CTNNA3: variants seen among roughly 807,000 people sequenced by gnomAD.
The protein encoded by CTNNA3 is catenin alpha 3.
In CTNNA3, 76 loss-of-function variants were observed where a neutral mutation model predicts 95.7. That is an observed-to-expected ratio of 0.79 (90% CI 0.66 to 0.96). The LOEUF (loss-of-function observed/expected upper bound fraction) is 0.96. Among genes scored for constraint, CTNNA3 ranks in the 40% least tolerant of loss-of-function variants. The pLI is 0.00. For missense variants in CTNNA3, 1,191 were observed against 1,089.8 expected (o/e 1.09, Z -1.31); for synonymous variants, 431 against 374.4 (o/e 1.15, Z -1.74).
At chr10:66,356,650 A>G (rs879882383) in intron 12 of CTNNA3, among the ~76,000 whole-genome samples, 9 of 152,032 alleles carry the variant, frequency 5.9e-5, no homozygotes, top group Admixed American at 2.0e-4. Flanking sequence ...GTAATGTTAA[A>G]AAGGACCAGT....
chr10:66,666,289 A>G (rs1439105583), intron 9 of CTNNA3, among the ~76,000 whole-genome samples: 2 of 152,178 alleles, frequency 1.3e-5, no homozygotes. Context: ...AATTTCAGGA[A>G]TGAAAGAGAT....
At chr10:67,364,591 CAG>C (rs1330134480) in intron 5 of CTNNA3, among the ~76,000 whole-genome samples, 1 of 152,154 alleles carries the variant, frequency 6.6e-6, no homozygotes, top group African/African-American at 2.4e-5. Flanking sequence ...AGCAGACAAA[CAG>C]AGAGCCAAAT....
intron 5 of CTNNA3, among the ~76,000 whole-genome samples, chr10:67,497,546 T>C (rs1401532052): frequency 4.6e-5 from 7 of 152,116 alleles, no homozygotes; most frequent in African/African-American, 1.7e-4. Context: ...TACATACCCA[T>C]CAACAGTGTA....
intron 7 of CTNNA3, among the ~76,000 whole-genome samples, chr10:66,892,533 A>G (rs1462388332): frequency 1.3e-5 from 1 of 74,300 alleles, no homozygotes; most frequent in Non-Finnish European, 3.8e-5. Context: ...GGGGCTTCCT[A>G]TTTGAAATAA....
chr10:67,414,541 C>T (rs1447755672), intron 5 of CTNNA3, among the ~76,000 whole-genome samples: 1 of 152,116 alleles, frequency 6.6e-6, no homozygotes, highest in Non-Finnish European at 1.5e-5. Context: ...TGAAGCTATT[C>T]CAAAAAACTG....
At chr10:67,577,847 G>C (rs149853655) in intron 3 of CTNNA3, among the ~76,000 whole-genome samples, 3 of 150,522 alleles carry the variant, frequency 2.0e-5, no homozygotes, top group Admixed American at 6.6e-5. Context: ...TTATATATTG[G>C]CTTCATTTGG....
chr10:66,928,412 G>T (rs1408594600), intron 7 of CTNNA3: 16 of 1,613,090 alleles, frequency 9.9e-6, no homozygotes, highest in Non-Finnish European at 1.2e-5. Flanking sequence ...AATGGGACGG[G>T]ACCCTGCACC....
intron 7 of CTNNA3, among the ~76,000 whole-genome samples, chr10:66,868,861 C>T (rs904391519): frequency 6.6e-6 from 1 of 151,880 alleles, no homozygotes; most frequent in Non-Finnish European, 1.5e-5. Context: ...AGCATTAGTG[C>T]TAAAAGCTAA....
chr10:67,025,954 TG>T (rs1191641922), intron 7 of CTNNA3, among the ~76,000 whole-genome samples: 1 of 150,616 alleles, frequency 6.6e-6, no homozygotes, highest in Non-Finnish European at 1.5e-5. Context: ...TCATGTCCTT[TG>T]TAGGGACATG....
At chr10:67,397,230 A>C (rs1454900925) in intron 5 of CTNNA3, among the ~76,000 whole-genome samples, 1 of 152,166 alleles carries the variant, frequency 6.6e-6, no homozygotes, top group Non-Finnish European at 1.5e-5. Context: ...AGAAGACAGG[A>C]AGGTGTGGGA....
intron 5 of CTNNA3, among the ~76,000 whole-genome samples, chr10:67,404,361 T>C (rs1471917344): frequency 6.6e-6 from 1 of 151,600 alleles, no homozygotes; most frequent in Non-Finnish European, 1.5e-5. Flanking sequence ...GAGAGGAATA[T>C]AACCAACCTG....
chr10:65,913,890 G>T lies in CTNNA3; in HGVS notation c.*6440C>A, dbSNP rs964246236. The T allele has an allele frequency of 6.6e-6, 1 of 152,056 alleles. No individual in the cohort carries two copies. The highest frequency in any genetic ancestry group is 1.5e-5 in the Non-Finnish European group (1 of 68,030). The allele number at this position is 152,056 out of a possible 1,614,324, so 9.4% of individuals were successfully genotyped here. ...GGGGAACTGATGTGACATACCTAAGGTTGGCCTGAGTCTGCAGAAGCTGGG... is the reference window on the plus strand; with the variant it reads ...GGGGAACTGATGTGACATACCTAAGTTTGGCCTGAGTCTGCAGAAGCTGGG... On this transcript the variant is annotated 3_prime_UTR_variant, in exon 18 of 18. Transcript: ENST00000433211.
intron 7 of CTNNA3, among the ~76,000 whole-genome samples, chr10:67,154,080 A>C (rs571174376): frequency 6.6e-6 from 1 of 152,240 alleles, no homozygotes; most frequent in African/African-American, 2.4e-5. Context: ...AACTATATCC[A>C]ATGTATAAGT....
intron 17 of CTNNA3, among the ~76,000 whole-genome samples, chr10:65,951,387 C>T (rs1365641638): frequency 6.6e-6 from 1 of 152,074 alleles, no homozygotes; most frequent in South Asian, 2.1e-4. Flanking sequence ...TAGACTATAA[C>T]AGGTCTTATA....
intron 7 of CTNNA3, among the ~76,000 whole-genome samples, chr10:66,960,846 T>C (rs555832574): frequency 1.1e-3 from 160 of 152,256 alleles, no homozygotes; most frequent in Non-Finnish European, 2.0e-3. Flanking sequence ...AGTGACAGTG[T>C]TGATAAAGCA....
chr10:66,907,007 A>G lies in CTNNA3; in HGVS notation c.1048-131483T>C, dbSNP rs79644388. On this transcript the variant is annotated intron_variant, in intron 7 of 17. Transcript: ENST00000433211. ...TAATGCTAAACAATAAAAAACATTA[A>G]AATATAGAATTAGATACAAAAAAAT... is the stretch of plus-strand genomic sequence containing the variant. 8.5e-3 allele frequency among the ~76,000 whole-genome samples: 1,287 copies of G among 152,254 alleles called. 20 individuals carry two copies. The highest frequency in any genetic ancestry group is 0.029 in the African/African-American group (1,210 of 41,550).
intron 5 of CTNNA3, among the ~76,000 whole-genome samples, chr10:67,416,618 A>C (rs1170420850): frequency 2.0e-5 from 3 of 150,788 alleles, no homozygotes; most frequent in African/African-American, 7.3e-5. Context: ...AAAAAAAAAA[A>C]AAAAAAAAAA....
At chr10:66,493,045 T>C (rs1202738339) in intron 11 of CTNNA3, among the ~76,000 whole-genome samples, 1 of 152,118 alleles carries the variant, frequency 6.6e-6, no homozygotes, top group Non-Finnish European at 1.5e-5. Flanking sequence ...CCAAATTGAA[T>C]TGAAAAGCAC....
intron 7 of CTNNA3, among the ~76,000 whole-genome samples, chr10:66,818,223 C>T (rs1420348099): frequency 4.6e-5 from 7 of 152,064 alleles, no homozygotes; most frequent in Non-Finnish European, 5.9e-5. Context: ...AGATCAGGAA[C>T]CTGACAAGAA....
Sources: allele counts gnomAD v4.1 joint callset (sites outside exome capture counted in the v4.1 genomes callset), GRCh38; gene constraint gnomAD v4.1.1; transcripts MANE v1.5; gene names NCBI Gene and HGNC (gene_info 2026-07-23, HGNC 2026-07-21).